The following RAI14 variants were observed in gnomAD, a reference collection of about 807,000 sequenced individuals.
The protein encoded by RAI14 is ankycorbin.
Under a neutral mutation model 115.4 loss-of-function variants are expected in RAI14, and 45 were observed. The observed-to-expected ratio is 0.39, with a 90% CI of 0.31 to 0.50. The LOEUF is 0.50. RAI14 is among the 20% of genes least tolerant of loss of function. The pLI is 0.85. For missense variants in RAI14, 939 were observed against 1,131.2 expected (o/e 0.83, Z 2.44); for synonymous variants, 371 against 415.4 (o/e 0.89, Z 1.30).
In RAI14 at chr5:34,784,638, C is replaced by A. The variant is rs540295766; in HGVS notation, c.168-11301C>A. Among the ~76,000 whole-genome samples the A allele has an allele frequency of 2.6e-5, 4 of 152,302 alleles. No individual in the cohort carries two copies. The South Asian group carries it at 8.3e-4, about 32-fold the overall frequency. On this transcript the variant is annotated intron_variant, in intron 3 of 17. Transcript: ENST00000265109. ...TTAGTATGTGGAAGAAAAAACCATT[C>A]TACTAAGTCCTGCTCATGGACAATA...
intron 1 of RAI14, among the ~76,000 whole-genome samples, chr5:34,672,287 T>C (rs1743672023): frequency 6.6e-6 from 1 of 152,210 alleles, no homozygotes; most frequent in African/African-American, 2.4e-5. Context: ...AGAGGCTTCT[T>C]TTCTCATAAA....
At position 34,791,663 on chromosome 5, in the gene RAI14, G is replaced by C. The variant is rs1472665155; in HGVS notation, c.168-4276G>C. Reference sequence around the variant, plus strand: ...TAGCATCAAATAGGATAATTGATGAGAGCTTAAGAAAGGAACTATTTACAA... The same window carrying C: ...TAGCATCAAATAGGATAATTGATGACAGCTTAAGAAAGGAACTATTTACAA... On this transcript the variant is annotated intron_variant, in intron 3 of 17. Coordinates refer to ENST00000265109, the MANE Select transcript of RAI14 (RefSeq NM_015577.3). The surrounding 1 kb of genome is among the most constrained non-coding windows in gnomAD (Gnocchi z 5.4). Among the ~76,000 whole-genome samples the C allele has an allele frequency of 6.6e-6, 1 of 152,186 alleles. No individual in the cohort carries two copies. Among genetic ancestry groups the C allele is most frequent in the Non-Finnish European group, 1.5e-5 (1 of 68,034 alleles).
chr5:34,821,740 A>G lies in RAI14; in HGVS notation c.1003A>G (p.Ser335Gly), dbSNP rs1756853217. ...RLSDSTTGADSLLDISSEADQ... is the reference protein window; with the variant it reads ...RLSDSTTGADGLLDISSEADQ... ...GCTTTCTCTTTCCCAAGGTGCTGATAGCTTATTGGATATAAGTTCTGAAGC... is the reference window on the plus strand; with the variant it reads ...GCTTTCTCTTTCCCAAGGTGCTGATGGCTTATTGGATATAAGTTCTGAAGC... Residue 335 changes from serine to glycine, a missense_variant, in exon 14 of 18, where the codon AGC (serine) becomes GGC (glycine). By Grantham distance (56) the Ser-to-Gly change is moderately conservative (BLOSUM62 0). Transcript: ENST00000265109. The G allele has an allele frequency of 6.3e-7, 1 of 1,592,122 alleles. No individual in the cohort carries two copies. Among genetic ancestry groups the G allele is most frequent in the East Asian group, 2.2e-5 (1 of 44,626 alleles).
chr5:34,691,392 A>G (rs1738582476), intron 2 of RAI14, among the ~76,000 whole-genome samples: 1 of 152,200 alleles, frequency 6.6e-6, no homozygotes, highest in Admixed American at 6.5e-5. Flanking sequence ...GTTCTCAGTC[A>G]TCATTATTTG....
chr5:34,698,601 T>G (rs1739632755), intron 2 of RAI14, among the ~76,000 whole-genome samples: 1 of 152,006 alleles, frequency 6.6e-6, no homozygotes, highest in Non-Finnish European at 1.5e-5. Context: ...TTGGGTAGGT[T>G]GGGATTAACA....
chr5:34,691,845 A>G (rs1245699182), intron 2 of RAI14, among the ~76,000 whole-genome samples: 1 of 152,226 alleles, frequency 6.6e-6, no homozygotes, highest in Admixed American at 6.5e-5. Flanking sequence ...AATTGATGGT[A>G]TACCTTTACA....
At chr5:34,678,678 C>T (rs1352856597) in intron 1 of RAI14, among the ~76,000 whole-genome samples, 1 of 152,224 alleles carries the variant, frequency 6.6e-6, no homozygotes, top group East Asian at 1.9e-4. Flanking sequence ...ACTACCCAGT[C>T]TGTGGTACTT....
At chr5:34,684,068 G>A (rs1421209517) in intron 1 of RAI14, among the ~76,000 whole-genome samples, 1 of 152,172 alleles carries the variant, frequency 6.6e-6, no homozygotes, top group Non-Finnish European at 1.5e-5. Flanking sequence ...TAGAAACCCT[G>A]GCCCAGCCAG....
intron 2 of RAI14, among the ~76,000 whole-genome samples, chr5:34,735,763 G>A (rs1268356705): frequency 6.6e-6 from 1 of 152,234 alleles, no homozygotes; most frequent in African/African-American, 2.4e-5. Context: ...TTATTTAAGT[G>A]CCTAGAGCTT....
At position 34,657,707 on chromosome 5, in the gene RAI14, C is replaced by G. The variant is rs964079191; in HGVS notation, c.-49+1232C>G. Among the ~76,000 whole-genome samples the G allele has an allele frequency of 3.9e-5, 6 of 152,208 alleles. No individual in the cohort carries two copies. The East Asian group carries it at 5.8e-4, about 15-fold the overall frequency. On this transcript the variant is annotated intron_variant, in intron 1 of 17. Coordinates refer to ENST00000265109, the MANE Select transcript of RAI14 (RefSeq NM_015577.3). ...GCCGGATCTCTGGGGAATGTGGTCT[C>G]AAGGCTGCAGGGGCCTGGCAGAGAG...
chr5:34,691,975 G>A (rs140162256), intron 2 of RAI14, among the ~76,000 whole-genome samples: 90 of 152,268 alleles, frequency 5.9e-4, no homozygotes, highest in African/African-American at 2.1e-3. Context: ...TAAGATAACA[G>A]TTGGCGGTGG....
chr5:34,823,334 G>C lies in RAI14; in HGVS notation c.1492G>C (p.Glu498Gln). The change falls in exon 15 of 18, where the codon GAA (glutamate) becomes CAA (glutamine). Residue 498 changes from glutamate to glutamine, a missense_variant. Transcript: ENST00000265109. The surrounding 1 kb of genome is among the most constrained non-coding windows in gnomAD (Gnocchi z 4.5). ...TQSKYEEAMKEVLSVQKQMKL... is the reference protein window; with the variant it reads ...TQSKYEEAMKQVLSVQKQMKL... ...GAGCAAATACGAGGAGGCTATGAAA[G>C]AAGTCCTTAGTGTGCAGAAGCAGAT... 1.2e-6 allele frequency: 2 copies of C among 1,614,046 alleles called. No homozygotes were observed. The highest frequency in any genetic ancestry group is 1.7e-6 in the Non-Finnish European group (2 of 1,180,036).
intron 2 of RAI14, among the ~76,000 whole-genome samples, chr5:34,721,438 C>A (rs1374842804): frequency 1.3e-5 from 2 of 151,412 alleles, no homozygotes; most frequent in Non-Finnish European, 2.9e-5. Context: ...ATACAAGGAT[C>A]TCACATCATG....
intron 2 of RAI14, among the ~76,000 whole-genome samples, chr5:34,751,529 T>C (rs1747019435): frequency 6.6e-6 from 1 of 152,224 alleles, no homozygotes; most frequent in Non-Finnish European, 1.5e-5. Context: ...AGTCATACTA[T>C]TGTGGGTTTT....
At chr5:34,752,729 GTGTGTGTGTGTGTGTGTGTGTATA>G (rs1747235402) in intron 2 of RAI14, among the ~76,000 whole-genome samples, 1 of 90,914 alleles carries the variant, frequency 1.1e-5, no homozygotes, top group African/African-American at 4.5e-5. Context: ...GTGTGTGTGT[GTGTGTGTGTGTGTGTGTGTGTATA>G]TATATATATA....
intron 2 of RAI14, among the ~76,000 whole-genome samples, chr5:34,748,146 G>A (rs924924153): frequency 2.6e-5 from 4 of 152,146 alleles, no homozygotes; most frequent in Non-Finnish European, 4.4e-5. Flanking sequence ...ACAGCACTCG[G>A]CAGTTATGTA....
intron 2 of RAI14, among the ~76,000 whole-genome samples, chr5:34,705,939 G>A (rs1013133167): frequency 6.6e-6 from 1 of 152,164 alleles, no homozygotes; most frequent in Admixed American, 6.5e-5. Context: ...GCGCCACCAC[G>A]CCCAGCCCAC....
At chr5:34,725,516 A>G (rs1743333512) in intron 2 of RAI14, among the ~76,000 whole-genome samples, 1 of 151,954 alleles carries the variant, frequency 6.6e-6, no homozygotes, top group Non-Finnish European at 1.5e-5. Context: ...TGGTAGGCAA[A>G]TACCAGACAG....
intron 3 of RAI14, among the ~76,000 whole-genome samples, chr5:34,786,801 G>GAC (rs1245206520): frequency 2.0e-5 from 3 of 152,156 alleles, no homozygotes; most frequent in Non-Finnish European, 2.9e-5. Context: ...AGGACTTAAA[G>GAC]ACACACACAC....
Sources: allele counts gnomAD v4.1 joint callset (sites outside exome capture counted in the v4.1 genomes callset), GRCh38; gene constraint gnomAD v4.1.1; non-coding constraint Gnocchi (gnomAD v3.1); transcripts MANE v1.5; gene names NCBI Gene and HGNC (gene_info 2026-07-23, HGNC 2026-07-21).